The following RAD51B variants were observed in gnomAD, a reference collection of about 807,000 sequenced individuals.
RAD51B encodes DNA repair protein RAD51 homolog 2.
RAD51B carries 38 observed loss-of-function variants against 42.2 expected under a neutral mutation model. The ratio of observed to expected loss-of-function variants is 0.90; its 90% CI spans 0.70 to 1.18. The LOEUF is 1.18. Ranked by LOEUF, RAD51B falls within the 50% of genes most tolerant of loss-of-function variation. The pLI is 0.00. For missense variants in RAD51B, 373 were observed against 400.7 expected (o/e 0.93, Z 0.59); for synonymous variants, 154 against 145.2 (o/e 1.06, Z -0.43).
At chr14:68,028,406 T>G (rs2140364236) in intron 7 of RAD51B, among the ~76,000 whole-genome samples, 1 of 152,270 alleles carries the variant, frequency 6.6e-6, no homozygotes, top group Non-Finnish European at 1.5e-5. Flanking sequence ...ATATTGACCT[T>G]GCAGAGGGAT....
At chr14:68,124,417 G>A (rs1189041662) in intron 7 of RAD51B, among the ~76,000 whole-genome samples, 6 of 152,166 alleles carry the variant, frequency 3.9e-5, no homozygotes, top group African/African-American at 1.2e-4. Context: ...CCGTACACAC[G>A]AAAAAGTCTG....
chr14:67,868,093 G>A (rs564855644), intron 5 of RAD51B, among the ~76,000 whole-genome samples: 6 of 152,290 alleles, frequency 3.9e-5, no homozygotes, highest in South Asian at 2.1e-4. Context: ...CAAGATGGCC[G>A]AATAGGAACA....
At position 67,979,473 on chromosome 14, in the gene RAD51B, T is replaced by C. The variant is rs2075052618; in HGVS notation, c.756+92269T>C. ...ATAGTTTTCTCCCTGATTTTCCTAATATTAGTCATTCTCCCTTTTAACACT... is the reference window on the plus strand; with the variant it reads ...ATAGTTTTCTCCCTGATTTTCCTAACATTAGTCATTCTCCCTTTTAACACT... On this transcript the variant is annotated intron_variant, in intron 7 of 10. Coordinates refer to ENST00000471583, the MANE Select transcript of RAD51B (RefSeq NM_133510.4). Among the ~76,000 whole-genome samples, 2 of 152,196 alleles carry C rather than the reference T, an allele frequency of 1.3e-5. 1 individual carries two copies. The highest frequency in any genetic ancestry group is 4.1e-4 in the South Asian group (2 of 4,838).
chr14:68,455,566 A>C (rs758200360), intron 9 of RAD51B, among the ~76,000 whole-genome samples: 8 of 151,970 alleles, frequency 5.3e-5, no homozygotes, highest in Non-Finnish European at 1.2e-4. Flanking sequence ...AAATACAAAA[A>C]AAAATTAGCC....
At chr14:68,207,104 C>G (rs1229798514) in intron 7 of RAD51B, among the ~76,000 whole-genome samples, 1 of 152,034 alleles carries the variant, frequency 6.6e-6, no homozygotes, top group Non-Finnish European at 1.5e-5. Flanking sequence ...CAGTTCTTTT[C>G]TGGTGGAAAT....
chr14:68,000,030 A>T (rs982486530), intron 7 of RAD51B, among the ~76,000 whole-genome samples: 1 of 152,140 alleles, frequency 6.6e-6, no homozygotes, highest in Non-Finnish European at 1.5e-5. Flanking sequence ...ACAACAAAAA[A>T]CTAGTAGTAG....
chr14:68,334,961 A>T (rs1230436715), intron 8 of RAD51B, among the ~76,000 whole-genome samples: 1 of 146,966 alleles, frequency 6.8e-6, no homozygotes, highest in Non-Finnish European at 1.5e-5. Flanking sequence ...TATGTTTTAT[A>T]TATATATATA....
rs192523718 is a variant in RAD51B at position 68,087,679 on chromosome 14, A to T, written c.756+200475A>T. On this transcript the variant is annotated intron_variant, in intron 7 of 10. Coordinates refer to ENST00000471583, the MANE Select transcript of RAD51B (RefSeq NM_133510.4). Reference sequence around the variant, plus strand: ...TACAGAGTCATTTACTCTCTGTAACATTACCTGGTAATGCCTAATGTGCAT... The same window carrying T: ...TACAGAGTCATTTACTCTCTGTAACTTTACCTGGTAATGCCTAATGTGCAT... 2.9e-3 allele frequency among the ~76,000 whole-genome samples: 434 copies of T among 151,430 alleles called. 3 individuals carry two copies. Among genetic ancestry groups the T allele is most frequent in the African/African-American group, 0.01 (418 of 41,254 alleles).
chr14:68,030,248 G>A (rs1047346887), intron 7 of RAD51B, among the ~76,000 whole-genome samples: 1 of 152,144 alleles, frequency 6.6e-6, no homozygotes, highest in Non-Finnish European at 1.5e-5. Flanking sequence ...TTGTAGCCAG[G>A]CACTGACTTT....
At chr14:68,589,334 G>A (rs1239598112) in intron 10 of RAD51B, among the ~76,000 whole-genome samples, 1 of 152,162 alleles carries the variant, frequency 6.6e-6, no homozygotes, top group African/African-American at 2.4e-5. Flanking sequence ...TCCTGTTAGG[G>A]TCAGCAACTG....
chr14:67,839,774 T>C (rs1407974952), intron 4 of RAD51B, among the ~76,000 whole-genome samples: 4 of 152,016 alleles, frequency 2.6e-5, no homozygotes, highest in Admixed American at 1.3e-4. Flanking sequence ...ATTTAATCTA[T>C]TAATTTTCAG....
chr14:68,482,310 C>A (rs76904544), downstream of RAD51B, among the ~76,000 whole-genome samples: 4,404 of 152,150 alleles, frequency 0.029, 93 homozygotes, highest in Non-Finnish European at 0.049. Context: ...TGGTCCCCGT[C>A]AGCCTACAGG....
At chr14:68,639,138 G>A (rs528407730) in intron 10 of RAD51B, among the ~76,000 whole-genome samples, 2 of 152,184 alleles carry the variant, frequency 1.3e-5, no homozygotes, top group Non-Finnish European at 2.9e-5. Flanking sequence ...GGTCAGCAAG[G>A]GGTCTGAGTT....
At chr14:68,036,810 A>T (rs2076130178) in intron 7 of RAD51B, among the ~76,000 whole-genome samples, 1 of 152,210 alleles carries the variant, frequency 6.6e-6, no homozygotes, top group African/African-American at 2.4e-5. Context: ...AATTGACTTA[A>T]TTCATCAATC....
At chr14:67,821,542 C>T (rs1047828148) in intron 1 of RAD51B, among the ~76,000 whole-genome samples, 33 of 152,188 alleles carry the variant, frequency 2.2e-4, no homozygotes, top group Non-Finnish European at 1.3e-4. Context: ...ACTGCAGGCT[C>T]GACCTCCTGG....
intron 7 of RAD51B, among the ~76,000 whole-genome samples, chr14:68,189,612 T>C (rs1053865492): frequency 2.0e-4 from 31 of 152,260 alleles, no homozygotes; most frequent in Non-Finnish European, 3.7e-4. Flanking sequence ...AACTTCCTTT[T>C]CCTCACTATT....
At chr14:68,540,948 C>T in intron 10 of RAD51B, 1 of 985,424 alleles carries the variant, frequency 1.0e-6, no homozygotes, top group Non-Finnish European at 1.2e-6. Flanking sequence ...GCTTTCTTCA[C>T]CCACAACTAT....
chr14:68,603,498 C>T (rs1891308846), intron 10 of RAD51B, among the ~76,000 whole-genome samples: 1 of 152,122 alleles, frequency 6.6e-6, no homozygotes, highest in South Asian at 2.1e-4. Context: ...AACATGTTAT[C>T]TGTTTTTTTC....
chr14:68,492,439 G>A (rs1346288243), intron 10 of RAD51B, among the ~76,000 whole-genome samples: 1 of 152,124 alleles, frequency 6.6e-6, no homozygotes, highest in Admixed American at 6.5e-5. Context: ...GCAATAAATA[G>A]GTTGGATCTT....
Sources: allele counts gnomAD v4.1 joint callset (sites outside exome capture counted in the v4.1 genomes callset), GRCh38; gene constraint gnomAD v4.1.1; transcripts MANE v1.5; gene names NCBI Gene and HGNC (gene_info 2026-07-23, HGNC 2026-07-21).